The following NPR3 variants were observed in gnomAD, a reference collection of about 807,000 sequenced individuals.
NPR3 encodes atrial natriuretic peptide receptor 3.
A neutral mutation model predicts 54.5 loss-of-function variants in NPR3; 34 were observed. The observed-to-expected ratio is 0.62, with a 90% CI of 0.47 to 0.83. NPR3 has a LOEUF of 0.83. NPR3 is among the 40% of genes least tolerant of loss of function. The pLI, the probability that NPR3 is intolerant of heterozygous loss-of-function variation, is 0.00. For synonymous variants in NPR3, 289 were observed against 297.1 expected (o/e 0.97, Z 0.28); for missense variants, 674 against 720.8 (o/e 0.94, Z 0.74).
intron 1 of NPR3, among the ~76,000 whole-genome samples, chr5:32,703,446 G>A (rs935781636): frequency 6.6e-6 from 1 of 151,888 alleles, no homozygotes. Context: ...CACCATGGCT[G>A]GGAATGTGCT....
intron 3 of NPR3, among the ~76,000 whole-genome samples, chr5:32,772,043 A>G (rs1378072099): frequency 1.3e-5 from 2 of 152,266 alleles, no homozygotes; most frequent in African/African-American, 2.4e-5. Flanking sequence ...TTCTCAAGCC[A>G]TAATGACTTC....
At chr5:32,766,288 C>T (rs1741470435) in intron 3 of NPR3, among the ~76,000 whole-genome samples, 1 of 152,164 alleles carries the variant, frequency 6.6e-6, no homozygotes, top group African/African-American at 2.4e-5. Flanking sequence ...GAGTGAGGGT[C>T]ATCAGCTCAT....
upstream of NPR3, among the ~76,000 whole-genome samples, chr5:32,711,046 G>A (rs1443563858): frequency 2.0e-5 from 3 of 152,100 alleles, no homozygotes; most frequent in Non-Finnish European, 4.4e-5. Flanking sequence ...GGCTCTTGCC[G>A]GTGCAGACGT....
At chr5:32,756,903 C>T (rs1339949787) in intron 3 of NPR3, among the ~76,000 whole-genome samples, 2 of 152,196 alleles carry the variant, frequency 1.3e-5, no homozygotes, top group African/African-American at 2.4e-5. Context: ...TGTCAAAGAT[C>T]AGATGGCTGT....
intron 1 of NPR3, among the ~76,000 whole-genome samples, chr5:32,704,370 TTG>T (rs57959913): frequency 0.13 from 18,673 of 146,584 alleles, 1,170 homozygotes; most frequent in Admixed American, 0.19. Flanking sequence ...TTTTGGCTCT[TTG>T]TGTGTGTGTG....
intron 1 of NPR3, among the ~76,000 whole-genome samples, chr5:32,697,163 A>AT (rs1740551823): frequency 6.6e-6 from 1 of 151,976 alleles, no homozygotes; most frequent in African/African-American, 2.4e-5. Flanking sequence ...CTATACTCAG[A>AT]TTTTTGAGGG....
chr5:32,733,834 C>T (rs696151), intron 2 of NPR3, among the ~76,000 whole-genome samples: 4,244 of 152,106 alleles, frequency 0.028, 199 homozygotes, highest in African/African-American at 0.098. Flanking sequence ...TGTCAATCAC[C>T]GCATATGCAG....
At chr5:32,747,748 G>A (rs700929) in intron 3 of NPR3, among the ~76,000 whole-genome samples, 5,439 of 149,456 alleles carry the variant, frequency 0.036, 324 homozygotes, top group African/African-American at 0.13. Context: ...AAGAAGAAAG[G>A]AGGCATGCAT....
At chr5:32,775,376 CT>C (rs759247221) in intron 4 of NPR3, among the ~76,000 whole-genome samples, 44 of 151,312 alleles carry the variant, frequency 2.9e-4, no homozygotes, top group Non-Finnish European at 5.4e-4. Flanking sequence ...CTCACTGCAA[CT>C]TCTGCCTACT....
At chr5:32,692,974 T>G (rs769463264) in intron 1 of NPR3, among the ~76,000 whole-genome samples, 1 of 152,046 alleles carries the variant, frequency 6.6e-6, no homozygotes, top group African/African-American at 2.4e-5. Flanking sequence ...AATAAAAAAA[T>G]TAGCCAGGCA....
intron 1 of NPR3, chr5:32,716,380 TC>T (rs1435367860): frequency 8.9e-6 from 4 of 450,652 alleles, no homozygotes; most frequent in African/African-American, 6.1e-5. Context: ...TTTTTTTTTT[TC>T]AGTTTTAGGT....
chr5:32,746,750 C>T (rs922551103), intron 3 of NPR3, among the ~76,000 whole-genome samples: 3 of 152,178 alleles, frequency 2.0e-5, no homozygotes, highest in Non-Finnish European at 1.5e-5. Flanking sequence ...AGATTTTCCT[C>T]TCAGTCAGCT....
At position 32,732,243 on chromosome 5, in the gene NPR3, G is replaced by A. The variant is rs545389204; in HGVS notation, c.893-6621G>A. Among the ~76,000 whole-genome samples, 5 of 82,736 alleles carry A rather than the reference G, an allele frequency of 6.0e-5. No homozygotes were observed. In the East Asian group the frequency reaches 1.3e-3, roughly 22 times the overall value. The allele number at this position is 82,736 out of a possible 152,430, so 54.3% of individuals were successfully genotyped here. On this transcript the variant is annotated intron_variant, in intron 2 of 7. Coordinates refer to ENST00000265074, the MANE Select transcript of NPR3 (RefSeq NM_001204375.2). ...GGCCTGGGCGACAGAGCGAGACTCCGTCTCAAAAAAAAAAAAAAAAAAAAA... is the reference window on the plus strand; with the variant it reads ...GGCCTGGGCGACAGAGCGAGACTCCATCTCAAAAAAAAAAAAAAAAAAAAA...
chr5:32,713,163 C>T (rs1738357592), intron 1 of NPR3: 2 of 985,256 alleles, frequency 2.0e-6, no homozygotes, highest in Admixed American at 6.1e-5. Context: ...CCAAAAATGC[C>T]CCTGTGTGTC....
chr5:32,756,018 G>T (rs906060757), intron 3 of NPR3, among the ~76,000 whole-genome samples: 7 of 152,176 alleles, frequency 4.6e-5, no homozygotes, highest in Non-Finnish European at 1.0e-4. Flanking sequence ...GGACATTTGG[G>T]TTGGTTCCAA....
chr5:32,728,189 G>A (rs1739233463), intron 2 of NPR3, among the ~76,000 whole-genome samples: 1 of 152,106 alleles, frequency 6.6e-6, no homozygotes, highest in Non-Finnish European at 1.5e-5. Context: ...TAGCTGGACT[G>A]CGGTGGCTCA....
chr5:32,724,603 A>G (rs1375419322), intron 1 of NPR3, 95 bp from the exon 2 acceptor site: 11 of 1,432,398 alleles, frequency 7.7e-6, no homozygotes, highest in African/African-American at 5.6e-5. Context: ...CCATATAAGT[A>G]TCCCGTTCCT....
intron 1 of NPR3, among the ~76,000 whole-genome samples, chr5:32,724,387 T>A (rs1230442289): frequency 6.6e-6 from 1 of 152,110 alleles, no homozygotes; most frequent in Non-Finnish European, 1.5e-5. Flanking sequence ...TCCCCCAAGT[T>A]GGGTTTGTGG....
intron 2 of NPR3, among the ~76,000 whole-genome samples, chr5:32,728,813 ATT>A (rs1739263735): frequency 1.0e-5 from 1 of 98,996 alleles, no homozygotes; most frequent in Admixed American, 1.1e-4. Context: ...ATTTTGGAAT[ATT>A]TGTGTGTGTG....
Sources: allele counts gnomAD v4.1 joint callset (sites outside exome capture counted in the v4.1 genomes callset), GRCh38; gene constraint gnomAD v4.1.1; transcripts MANE v1.5; gene names NCBI Gene and HGNC (gene_info 2026-07-23, HGNC 2026-07-21).